HUWE1: variants seen among roughly 807,000 people sequenced by gnomAD.
HUWE1 encodes E3 ubiquitin-protein ligase HUWE1.
In HUWE1, 18 loss-of-function variants were observed where a neutral mutation model predicts 299.4. The observed-to-expected ratio is 0.06, with a 90% CI of 0.04 to 0.09. HUWE1 has a LOEUF of 0.09. Among genes scored for constraint, HUWE1 ranks in the 10% least tolerant of loss-of-function variants. The pLI is 1.00. For synonymous variants in HUWE1, 1,317 were observed against 1,286.1 expected, an observed-to-expected ratio of 1.02 and a Z score of -0.51; for missense variants, 1,832 against 3,462.3, an observed-to-expected ratio of 0.53 and a Z score of 11.82.
At chrX:53,574,533 C>T (rs974918250) in intron 46 of HUWE1, among the ~76,000 whole-genome samples, 2 of 112,451 alleles carry the variant, frequency 1.8e-5, no homozygotes, top group Non-Finnish European at 3.8e-5. Context: ...TAATGCTTCC[C>T]TTGAATCAGC....
intron 25 of HUWE1, among the ~76,000 whole-genome samples, chrX:53,607,058 AT>A (rs782016638): frequency 9.0e-6 from 1 of 111,726 alleles, no homozygotes; most frequent in Non-Finnish European, 1.9e-5. Flanking sequence ...CTTAAAATAC[AT>A]GACTATCGGG....
At chrX:53,656,578 A>G (rs1413942869) in intron 3 of HUWE1, among the ~76,000 whole-genome samples, 2 of 108,190 alleles carry the variant, frequency 1.8e-5, no homozygotes, top group Non-Finnish European at 3.8e-5. Context: ...TCAAAGCTCT[A>G]AATACATGGA....
intron 3 of HUWE1, among the ~76,000 whole-genome samples, chrX:53,656,682 T>C (rs1019656334): frequency 9.0e-6 from 1 of 111,567 alleles, no homozygotes; most frequent in Non-Finnish European, 1.9e-5. Flanking sequence ...GATGTTTTTT[T>C]GTAAATAAGC....
Position 53,562,099 on chromosome X carries a change from G to C in HUWE1, c.7338+12C>G. On this transcript the variant is annotated intron_variant, in intron 54 of 83. Coordinates refer to ENST00000262854, the MANE Select transcript of HUWE1 (RefSeq NM_031407.7). ...GGTCATCTGAACCAACCCAAACGCA[G>C]TCCCCCCTCACCTGATCATCTTCCT... The C allele has an allele frequency of 8.3e-7, 1 of 1,210,073 alleles. No homozygotes were observed. The highest frequency in any genetic ancestry group is 1.1e-6 in the Non-Finnish European group (1 of 894,593).
At chrX:53,684,046 A>C (rs1173531236) in intron 2 of HUWE1, 5 of 277,598 alleles carry the variant, frequency 1.8e-5, no homozygotes, top group Non-Finnish European at 3.2e-5. Flanking sequence ...CGGACGGGAA[A>C]AGCCTGAGCC....
Position 53,631,489 on chromosome X carries a change from T to TA in HUWE1, c.694-8dup, listed in dbSNP as rs200857205. 9.1e-4 allele frequency: 1,057 copies of TA among 1,161,980 alleles called. 3 individuals carry two copies. In the African/African-American group the frequency reaches 0.011, roughly 13 times the overall value. ...CAGAAGGGCTTTCTGAAATCTACAT[T>TA]AAAAAAAAAGATATAGTTAGGAACA... is the stretch of plus-strand genomic sequence containing the variant. On this transcript the variant is annotated splice_region_variant and splice_polypyrimidine_tract_variant and intron_variant, in intron 10 of 83. Coordinates refer to ENST00000262854, the MANE Select transcript of HUWE1 (RefSeq NM_031407.7).
chrX:53,623,266 T>C (rs7884683), intron 19 of HUWE1, among the ~76,000 whole-genome samples: 14,926 of 111,019 alleles, frequency 0.13, 2,506 homozygotes, highest in African/African-American at 0.47. Context: ...AATGCCTGTG[T>C]ATCCTTTTCT....
chrX:53,533,815 T>C, intron 83 of HUWE1, 192 bp downstream of exon 83: 1 of 484,601 alleles, frequency 2.1e-6, no homozygotes, highest in Non-Finnish European at 3.7e-6. Flanking sequence ...CCTGACAGTG[T>C]CTCCCCAGCC....
chrX:53,534,712 A>G lies in HUWE1; in HGVS notation c.12650-15T>C. The G allele has an allele frequency of 8.3e-7, 1 of 1,204,082 alleles. No homozygotes were observed. Reference sequence around the variant, plus strand: ...GCGGATGGCTCCTGGTGAGATAACCAAAAAGCCAAATGACTTCTAAACTCA... The same window carrying G: ...GCGGATGGCTCCTGGTGAGATAACCGAAAAGCCAAATGACTTCTAAACTCA... On this transcript the variant is annotated splice_polypyrimidine_tract_variant and intron_variant, in intron 81 of 83. Transcript: ENST00000262854.
At chrX:53,602,438 A>C (rs1461420130) in intron 28 of HUWE1, 126 bp downstream of exon 28, 11 of 444,908 alleles carry the variant, frequency 2.5e-5, no homozygotes, top group Admixed American at 7.1e-5. Flanking sequence ...ATGACTAAAA[A>C]TTAGTGAGAG....
At chrX:53,557,496 T>C in intron 59 of HUWE1, 69 bp from the exon 60 acceptor site, 1 of 853,280 alleles carries the variant, frequency 1.2e-6, no homozygotes, top group Non-Finnish European at 1.7e-6. Context: ...ACTGTAATAG[T>C]CACCATCCTC....
rs145451508 is a variant in HUWE1, at chrX:53,630,621, T to C, written c.862+314A>G. Among the ~76,000 whole-genome samples the C allele has an allele frequency of 3.1e-3, 327 of 106,498 alleles. 2 individuals carry two copies. The highest frequency in any genetic ancestry group is 0.011 in the African/African-American group (315 of 29,053). The allele number at this position is 106,498 out of a possible 115,157, so 92.5% of individuals were successfully genotyped here. Reference sequence around the variant, plus strand: ...AGGATGAGAGAGGAGGAAGACACAATGGCAAGAGAAAGAGTAGGGGGACAG... The same window carrying C: ...AGGATGAGAGAGGAGGAAGACACAACGGCAAGAGAAAGAGTAGGGGGACAG... On this transcript the variant is annotated intron_variant, in intron 12 of 83. Coordinates refer to ENST00000262854, the MANE Select transcript of HUWE1 (RefSeq NM_031407.7).
chrX:53,627,568 T>G, intron 16 of HUWE1, 53 bp from the exon 17 acceptor site: 1 of 726,197 alleles, frequency 1.4e-6, no homozygotes, highest in Non-Finnish European at 1.9e-6. Flanking sequence ...TATATATTTT[T>G]TTTTTCAGGG....
At position 53,586,940 on chromosome X, in the gene HUWE1, A is replaced by C. The variant is rs1239716420; in HGVS notation, c.4615-31T>G. The C allele has an allele frequency of 5.0e-6, 6 of 1,199,521 alleles. No individual in the cohort carries two copies. The African/African-American group carries it at 1.1e-4, about 21-fold the overall frequency. Reference sequence around the variant, plus strand: ...AGATCAAAGGGAAAAAACAACAACAACCAGATACCAATTTCTACTCAGTAA... The same window carrying C: ...AGATCAAAGGGAAAAAACAACAACACCCAGATACCAATTTCTACTCAGTAA... On this transcript the variant is annotated intron_variant, in intron 37 of 83. Transcript: ENST00000262854.
At chrX:53,553,361 C>T (rs1602601457) in intron 61 of HUWE1, among the ~76,000 whole-genome samples, 1 of 108,232 alleles carries the variant, frequency 9.2e-6, no homozygotes, top group South Asian at 4.2e-4. Context: ...CCAGGCTGAT[C>T]TTGAATTCCT....
chrX:53,684,147 C>T (rs1422190402), intron 2 of HUWE1: 1 of 255,299 alleles, frequency 3.9e-6, no homozygotes, highest in Non-Finnish European at 7.0e-6. Flanking sequence ...GACGCACAAC[C>T]TAACGAAGCA....
intron 28 of HUWE1, among the ~76,000 whole-genome samples, chrX:53,601,643 T>G (rs1443474876): frequency 9.2e-6 from 1 of 108,359 alleles, no homozygotes; most frequent in African/African-American, 3.3e-5. Context: ...TTGTGTATGA[T>G]TTCTACTTAC....
Position 53,617,391 on chromosome X carries a change from G to C in HUWE1, c.1728C>G (p.Leu576=), listed in dbSNP as rs1218193317. 8.3e-7 allele frequency: 1 copy of C among 1,198,510 alleles called. No homozygotes were observed. Among genetic ancestry groups the C allele is most frequent in the African/African-American group, 1.8e-5 (1 of 56,663 alleles). ...TGACATCTGTCAATCCATTGTCCTG[G>C]AGTGAGGAGAGCAGTGATGGTTCTT... ...VFQEPSLLSS[L]QDNGLTDVML... Residue 576 remains leucine (L), a synonymous_variant, in exon 20 of 84, where the codon CTC becomes CTG. Transcript: ENST00000262854.
At chrX:53,608,041 C>A (rs1556998484) in intron 24 of HUWE1, among the ~76,000 whole-genome samples, 1 of 112,063 alleles carries the variant, frequency 8.9e-6, no homozygotes, top group African/African-American at 3.2e-5. Flanking sequence ...CTACCTCTCT[C>A]CTGCAGGCAA....
Sources: allele counts gnomAD v4.1 joint callset (sites outside exome capture counted in the v4.1 genomes callset), GRCh38; gene constraint gnomAD v4.1.1; transcripts MANE v1.5; gene names NCBI Gene and HGNC (gene_info 2026-07-23, HGNC 2026-07-21).